Variants in GPHN observed in about 807,000 individuals in gnomAD.
GPHN encodes gephyrin.
GPHN carries 17 observed loss-of-function variants against 95.5 expected under a neutral mutation model. The ratio of observed to expected loss-of-function variants is 0.18; its 90% CI spans 0.12 to 0.27. The LOEUF is 0.27. Among genes scored for constraint, GPHN ranks in the 10% least tolerant of loss-of-function variants. The probability of loss-of-function intolerance (pLI) is 1.00; values close to 1 mark genes in which losing one functional copy is unlikely to be tolerated. For missense variants in GPHN, 660 were observed against 978.1 expected, an observed-to-expected ratio of 0.67 and a Z score of 4.34; for synonymous variants, 320 against 322.5, an observed-to-expected ratio of 0.99 and a Z score of 0.08.
intron 1 of GPHN, among the ~76,000 whole-genome samples, chr14:66,519,121 AAT>A: frequency 6.6e-6 from 1 of 151,996 alleles, no homozygotes; most frequent in South Asian, 2.1e-4. Flanking sequence ...GTCAATGTAA[AAT>A]ATAAAAGAAA....
Position 66,841,858 on chromosome 14 carries a change from G to A in GPHN, c.294+17292G>A, listed in dbSNP as rs1331748537. On this transcript the variant is annotated intron_variant, in intron 4 of 22. Coordinates refer to ENST00000478722, the MANE Select transcript of GPHN (RefSeq NM_020806.5). ...GAGTTCAAGACCAGCCTGGACAACC[G>A]GGTGAAACCCTGTCTCTAGTAAAAA... is the stretch of plus-strand genomic sequence containing the variant. Among the ~76,000 whole-genome samples, 5 of 151,884 alleles carry A rather than the reference G, an allele frequency of 3.3e-5. No individual in the cohort carries two copies. The East Asian group carries it at 7.7e-4, about 24-fold the overall frequency.
At chr14:66,513,167 G>A (rs2058105352) in intron 1 of GPHN, among the ~76,000 whole-genome samples, 1 of 151,436 alleles carries the variant, frequency 6.6e-6, no homozygotes, top group Non-Finnish European at 1.5e-5. Context: ...TATTATCATT[G>A]GTCAAAGACT....
At chr14:67,657,398 G>A in the GPHN span, among the ~76,000 whole-genome samples, 1 of 152,044 alleles carries the variant, frequency 6.6e-6, no homozygotes, top group Non-Finnish European at 1.5e-5. Context: ...TAGTATCTGG[G>A]GCTTGAGCAA....
rs137870374 is a variant in GPHN at position 66,722,771 on chromosome 14, C to A, written c.143+41586C>A. 3.7e-3 allele frequency among the ~76,000 whole-genome samples: 563 copies of A among 152,220 alleles called. 7 individuals carry two copies. The highest frequency in any genetic ancestry group is 0.013 in the African/African-American group (526 of 41,540). On this transcript the variant is annotated intron_variant, in intron 2 of 22. Transcript: ENST00000478722. Reference sequence around the variant, plus strand: ...AAAGCTTATTAAAAAACAACAACAACAAAATACTTTTGACTAAATCTGTCC... The same window carrying A: ...AAAGCTTATTAAAAAACAACAACAAAAAAATACTTTTGACTAAATCTGTCC...
At chr14:66,528,971 G>T (rs1420338596) in intron 1 of GPHN, among the ~76,000 whole-genome samples, 1 of 152,084 alleles carries the variant, frequency 6.6e-6, no homozygotes, top group Non-Finnish European at 1.5e-5. Flanking sequence ...TAGTATCTTT[G>T]TGGTGTTCTC....
chr14:67,692,430 A>G, the GPHN span: 1 of 1,614,106 alleles, frequency 6.2e-7, no homozygotes, highest in Non-Finnish European at 8.5e-7. Context: ...CTCTAGTTCT[A>G]CACTTACCAG....
At chr14:67,328,944 T>C in the GPHN span, among the ~76,000 whole-genome samples, 1 of 152,132 alleles carries the variant, frequency 6.6e-6, no homozygotes, top group Non-Finnish European at 1.5e-5. Flanking sequence ...TGGCTTAGGG[T>C]TGTCTTGGCA....
chr14:66,722,669 C>T (rs2070870357), intron 2 of GPHN, among the ~76,000 whole-genome samples: 1 of 152,046 alleles, frequency 6.6e-6, no homozygotes, highest in Non-Finnish European at 1.5e-5. Flanking sequence ...GCTTGAACTC[C>T]TGGCTTCAAG....
At chr14:67,343,399 T>C in the GPHN span, 1 of 1,612,544 alleles carries the variant, frequency 6.2e-7, no homozygotes, top group East Asian at 2.2e-5. Context: ...ACACGCCTGT[T>C]GGTTATCTTA....
intron 10 of GPHN, among the ~76,000 whole-genome samples, chr14:67,053,178 T>G (rs1013453076): frequency 2.7e-5 from 4 of 148,374 alleles, no homozygotes; most frequent in African/African-American, 2.4e-5. Flanking sequence ...CTGGTTTGTT[T>G]TTTTTTTTTT....
intron 18 of GPHN, 48 bp downstream of exon 18, chr14:67,143,497 C>G (rs998329041): frequency 8.8e-7 from 1 of 1,139,920 alleles, no homozygotes; most frequent in Non-Finnish European, 1.3e-6. Flanking sequence ...AATGTTCTTG[C>G]ATATGGTCGA....
chr14:66,775,927 C>T (rs1027127448), intron 2 of GPHN, among the ~76,000 whole-genome samples: 3 of 151,982 alleles, frequency 2.0e-5, no homozygotes, highest in Non-Finnish European at 4.4e-5. Flanking sequence ...ATTCAAATTA[C>T]GTAAAAAAAG....
chr14:67,696,900 T>C, the GPHN span, among the ~76,000 whole-genome samples: 1 of 152,180 alleles, frequency 6.6e-6, no homozygotes, highest in African/African-American at 2.4e-5. Flanking sequence ...TTATAGCAAA[T>C]TGGAGAAGAG....
chr14:66,775,601 A>C (rs961922863), intron 2 of GPHN, among the ~76,000 whole-genome samples: 1 of 152,178 alleles, frequency 6.6e-6, no homozygotes, highest in Admixed American at 6.5e-5. Context: ...ACTTTTGTAC[A>C]TCTCAACTCA....
At chr14:67,013,002 A>G (rs977011740) in intron 9 of GPHN, among the ~76,000 whole-genome samples, 11 of 152,010 alleles carry the variant, frequency 7.2e-5, no homozygotes, top group Non-Finnish European at 1.3e-4. Context: ...GGTGCTTATC[A>G]TCTGTCTACT....
chr14:66,969,026 T>G (rs2069551364), intron 9 of GPHN: 1 of 151,194 alleles, frequency 6.6e-6, no homozygotes, highest in Non-Finnish European at 1.5e-5. Flanking sequence ...TTTCTTTTTG[T>G]TTTTTTTGGT....
At chr14:66,879,297 C>T (rs118086130) in intron 4 of GPHN, among the ~76,000 whole-genome samples, 1,841 of 148,422 alleles carry the variant, frequency 0.012, 19 homozygotes, top group Non-Finnish European at 0.018. Context: ...GCCATGTGTA[C>T]GCCTATGTAA....
At chr14:67,236,815 C>T in the GPHN span, among the ~76,000 whole-genome samples, 8 of 151,956 alleles carry the variant, frequency 5.3e-5, no homozygotes, top group Non-Finnish European at 7.3e-5. Flanking sequence ...TGGCCAGACA[C>T]GGTGGCTCAT....
chr14:67,029,250 G>A (rs1594867255), intron 10 of GPHN, among the ~76,000 whole-genome samples: 1 of 151,702 alleles, frequency 6.6e-6, no homozygotes, highest in African/African-American at 2.4e-5. Context: ...CTTTGTAGCT[G>A]CTATTGTTAC....
Sources: allele counts gnomAD v4.1 joint callset (sites outside exome capture counted in the v4.1 genomes callset), GRCh38; gene constraint gnomAD v4.1.1; transcripts MANE v1.5; gene names NCBI Gene and HGNC (gene_info 2026-07-23, HGNC 2026-07-21).